The following FHIT variants were observed in gnomAD, a reference collection of about 807,000 sequenced individuals.
FHIT encodes fragile histidine triad diadenosine triphosphatase.
FHIT carries 19 observed loss-of-function variants against 17.9 expected under a neutral mutation model. The observed-to-expected ratio is 1.06, with a 90% CI of 0.74 to 1.56. The LOEUF is 1.56. FHIT is among the 40% of genes most tolerant of loss of function. FHIT has a pLI of 0.00. For missense variants in FHIT, 248 were observed against 189.2 expected, an observed-to-expected ratio of 1.31 and a Z score of -1.82; for synonymous variants, 81 against 69.7, an observed-to-expected ratio of 1.16 and a Z score of -0.81.
At chr3:60,219,161 G>C (rs1449817128) in intron 5 of FHIT, among the ~76,000 whole-genome samples, 2 of 151,990 alleles carry the variant, frequency 1.3e-5, no homozygotes, top group Non-Finnish European at 2.9e-5. Context: ...TACTGCATCT[G>C]GCTTTGCTTA....
chr3:60,804,298 C>T (rs1013644179), intron 4 of FHIT, among the ~76,000 whole-genome samples: 2 of 152,180 alleles, frequency 1.3e-5, no homozygotes, highest in Admixed American at 6.5e-5. Flanking sequence ...CTCAAGGAAA[C>T]ACACAAAATT....
intron 4 of FHIT, among the ~76,000 whole-genome samples, chr3:60,757,104 A>G (rs1185546929): frequency 6.6e-6 from 1 of 152,218 alleles, no homozygotes; most frequent in Non-Finnish European, 1.5e-5. Flanking sequence ...TTATTCAAGT[A>G]TGTGTTATTA....
intron 5 of FHIT, among the ~76,000 whole-genome samples, chr3:60,171,601 T>C (rs1701417863): frequency 6.6e-6 from 1 of 152,230 alleles, no homozygotes; most frequent in African/African-American, 2.4e-5. Context: ...GATGTAGTAT[T>C]TGGTGGCTTT....
intron 5 of FHIT, among the ~76,000 whole-genome samples, chr3:60,508,799 T>G (rs574590171): frequency 5.3e-5 from 8 of 152,206 alleles, no homozygotes; most frequent in African/African-American, 1.9e-4. Flanking sequence ...ATCTTTAGAG[T>G]AGGTACTTAT....
At chr3:61,000,007 A>G (rs1368359362) in intron 3 of FHIT, among the ~76,000 whole-genome samples, 1 of 152,120 alleles carries the variant, frequency 6.6e-6, no homozygotes, top group Non-Finnish European at 1.5e-5. Flanking sequence ...GGGTGGAACC[A>G]TCACAACTTA....
At chr3:60,702,378 C>G (rs782305856) in intron 4 of FHIT, among the ~76,000 whole-genome samples, 9 of 152,012 alleles carry the variant, frequency 5.9e-5, no homozygotes, top group Non-Finnish European at 8.8e-5. Context: ...GAATGAATGA[C>G]ATTTTATAAT....
chr3:60,677,781 GAAGCC>G (rs1165494719), intron 4 of FHIT, among the ~76,000 whole-genome samples: 5 of 152,144 alleles, frequency 3.3e-5, no homozygotes, highest in African/African-American at 1.2e-4. Context: ...ATTTGGCTAT[GAAGCC>G]ATCCAGTCCT....
rs1355399744 is a variant in FHIT, at chr3:59,747,731, C to T, written c.*1854G>A. Among the ~76,000 whole-genome samples, 2 of 151,862 alleles carry T rather than the reference C, an allele frequency of 1.3e-5. No homozygotes were observed. The highest frequency in any genetic ancestry group is 4.8e-5 in the African/African-American group (2 of 41,362). On this transcript the variant is annotated 3_prime_UTR_variant, in exon 10 of 10. Coordinates refer to ENST00000492590, the MANE Select transcript of FHIT (RefSeq NM_002012.4). Reference sequence around the variant, plus strand: ...AGCACTGAGATTTGACCCATCAGCCCTAGGGAAGCTGACTCTTTGGTTTTC... The same window carrying T: ...AGCACTGAGATTTGACCCATCAGCCTTAGGGAAGCTGACTCTTTGGTTTTC...
intron 5 of FHIT, among the ~76,000 whole-genome samples, chr3:60,418,248 C>G (rs1268683042): frequency 6.6e-6 from 1 of 151,206 alleles, no homozygotes. Flanking sequence ...TTCAGAGAAG[C>G]TTTTTGTCTA....
At chr3:60,441,935 T>G (rs1419179434) in intron 5 of FHIT, among the ~76,000 whole-genome samples, 1 of 149,298 alleles carries the variant, frequency 6.7e-6, no homozygotes, top group African/African-American at 2.5e-5. Flanking sequence ...CATGGCTCAC[T>G]GCAGCCTCAA....
chr3:59,907,329 C>T (rs1704628847), intron 8 of FHIT, among the ~76,000 whole-genome samples: 1 of 152,210 alleles, frequency 6.6e-6, no homozygotes, highest in Non-Finnish European at 1.5e-5. Context: ...AAAGTAATCA[C>T]TGGTGTGCCA....
chr3:60,572,257 G>A (rs1033136075), intron 4 of FHIT, among the ~76,000 whole-genome samples: 1 of 140,740 alleles, frequency 7.1e-6, no homozygotes, highest in African/African-American at 2.6e-5. Context: ...TACACACACA[G>A]ACACACACAC....
intron 8 of FHIT, among the ~76,000 whole-genome samples, chr3:59,868,294 T>A (rs894629714): frequency 2.0e-5 from 3 of 151,590 alleles, no homozygotes; most frequent in Non-Finnish European, 4.4e-5. Context: ...CACAGTATAA[T>A]CAGGACAAAG....
intron 1 of FHIT, among the ~76,000 whole-genome samples, chr3:61,202,105 C>A (rs183240943): frequency 2.6e-5 from 4 of 152,028 alleles, no homozygotes; most frequent in South Asian, 2.1e-4. Context: ...CATACACACA[C>A]ATATATAGCC....
intron 1 of FHIT, among the ~76,000 whole-genome samples, chr3:61,225,386 T>C (rs992323842): frequency 3.9e-5 from 6 of 152,210 alleles, no homozygotes; most frequent in South Asian, 2.1e-4. Flanking sequence ...CTGGATTAAA[T>C]TGAAAATATT....
At chr3:61,121,258 T>G (rs2036448639) in intron 2 of FHIT, among the ~76,000 whole-genome samples, 1 of 151,924 alleles carries the variant, frequency 6.6e-6, no homozygotes, top group South Asian at 2.1e-4. Context: ...ACAAATATAT[T>G]CCTCGAGAAG....
chr3:60,834,669 C>T (rs1185405864), intron 3 of FHIT, among the ~76,000 whole-genome samples: 1 of 151,460 alleles, frequency 6.6e-6, no homozygotes, highest in Non-Finnish European at 1.5e-5. Context: ...ACCTGGCCAA[C>T]ACGGCAAAAG....
intron 1 of FHIT, among the ~76,000 whole-genome samples, chr3:61,202,237 G>A (rs889377472): frequency 2.7e-5 from 4 of 150,892 alleles, no homozygotes; most frequent in South Asian, 2.1e-4. Context: ...AGTGAGGAGC[G>A]CCTCTGCCCG....
At chr3:60,386,562 G>A (rs1488958135) in intron 5 of FHIT, among the ~76,000 whole-genome samples, 1 of 152,118 alleles carries the variant, frequency 6.6e-6, no homozygotes, top group South Asian at 2.1e-4. Flanking sequence ...CAAGGTTTGA[G>A]CATCTTCTGG....
Sources: gnomAD v4.1 joint callset for allele counts (sites outside exome capture counted in the v4.1 genomes callset) on GRCh38, gnomAD v4.1.1 for gene constraint, MANE v1.5 for transcripts, NCBI Gene and HGNC (gene_info 2026-07-23, HGNC 2026-07-21) for gene names.